The following NARS1 variants were observed in gnomAD, a reference collection of about 807,000 sequenced individuals.
NARS1 encodes the protein asparaginyl-tRNA synthetase 1.
Under a neutral mutation model 79.2 loss-of-function variants are expected in NARS1, and 65 were observed. The observed-to-expected ratio is 0.82, with a 90% CI of 0.67 to 1.01. The LOEUF (loss-of-function observed/expected upper bound fraction) is 1.01. Ranked by LOEUF, NARS1 falls within the 50% of genes least tolerant of loss-of-function variation. The pLI is 0.00. For missense variants in NARS1, 649 were observed against 673.8 expected, an observed-to-expected ratio of 0.96 and a Z score of 0.41; for synonymous variants, 229 against 238.8, an observed-to-expected ratio of 0.96 and a Z score of 0.38.
At position 57,602,469 on chromosome 18, in the gene NARS1, G is replaced by C. The variant is rs1410251109; in HGVS notation, c.1401C>G (p.Pro467=). The part of the protein sequence containing the change: ...RLTESVDVLM[P]NVGEIVGGSM... ...AGCCTCCCACAATCTCACCAACATT[G>C]GGCATCAACACGTCGACCTTTAAAT... Residue 467 remains proline, a synonymous_variant, in exon 13 of 14, where the codon CCC becomes CCG. Transcript: ENST00000256854. 2 of 1,613,630 alleles carry C rather than the reference G, an allele frequency of 1.2e-6. No individual in the cohort carries two copies. Among genetic ancestry groups the C allele is most frequent in the Admixed American group, 1.7e-5 (1 of 59,946 alleles).
chr18:57,611,541 C>T (rs1295883991), intron 6 of NARS1, 96 bp downstream of exon 6: 2 of 787,218 alleles, frequency 2.5e-6, no homozygotes, highest in Non-Finnish European at 4.0e-6. Flanking sequence ...CATTCACTGT[C>T]GACATAATAA....
At chr18:57,607,761 G>T in intron 7 of NARS1, 96 bp from the exon 8 acceptor site, 1 of 1,068,290 alleles carries the variant, frequency 9.4e-7, no homozygotes, top group Non-Finnish European at 1.3e-6. Context: ...GTTTTGGTAA[G>T]CTGAGATTTT....
intron 7 of NARS1, among the ~76,000 whole-genome samples, chr18:57,607,907 G>C (rs890034183): frequency 6.9e-6 from 1 of 145,222 alleles, no homozygotes; most frequent in Non-Finnish European, 1.5e-5. Context: ...TCACTCTGTC[G>C]CCCAGGCTGG....
Position 57,621,793 on chromosome 18 carries a change from G to T in NARS1, c.-76C>A, listed in dbSNP as rs371234406. 1.3e-4 allele frequency: 206 copies of T among 1,608,784 alleles called. No individual in the cohort carries two copies. Among genetic ancestry groups the T allele is most frequent in the Non-Finnish European group, 1.7e-4 (200 of 1,178,606 alleles). On this transcript the variant is annotated 5_prime_UTR_variant, in exon 1 of 14. Transcript: ENST00000256854. Reference sequence around the variant, plus strand: ...CCGTCTTATGACTCCAACGTGCACCGGCGGTTTCCGCGATTCCGGCGTTGC... The same window carrying T: ...CCGTCTTATGACTCCAACGTGCACCTGCGGTTTCCGCGATTCCGGCGTTGC...
intron 5 of NARS1, among the ~76,000 whole-genome samples, chr18:57,613,068 G>C (rs2051617582): frequency 6.6e-6 from 1 of 152,006 alleles, no homozygotes; most frequent in Admixed American, 6.6e-5. Context: ...TTTTAAACAA[G>C]AACAAATTTA....
Position 57,607,626 on chromosome 18 carries a change from G to T in NARS1, c.619C>A (p.Leu207Ile), listed in dbSNP as rs1305687750. Residue 207 changes from leucine (L) to isoleucine (I), a missense_variant, in exon 8 of 14, where the codon CTA becomes ATA. By Grantham distance (5) the Leu-to-Ile change is conservative. Transcript: ENST00000256854. ...GHELSCDFWE[L>I]IGLAPAGGAD... ...CCTCCAGCAGGGGCCAACCCAATTAGTTCCCAGAAGTCACAACTCAGCTCA... is the reference window on the plus strand; with the variant it reads ...CCTCCAGCAGGGGCCAACCCAATTATTTCCCAGAAGTCACAACTCAGCTCA... 1 of 1,614,036 alleles carries T rather than the reference G, an allele frequency of 6.2e-7. No homozygotes were observed. The highest frequency in any genetic ancestry group is 8.5e-7 in the Non-Finnish European group (1 of 1,179,968).
rs1011951083 is a variant in NARS1 at position 57,621,747 on chromosome 18, A to G, written c.-30T>C. 3 of 1,613,838 alleles carry G rather than the reference A, an allele frequency of 1.9e-6. No homozygotes were observed. Among genetic ancestry groups the G allele is most frequent in the Admixed American group, 1.7e-5 (1 of 60,010 alleles). ...GCAGTGGCCCTGGTCACCTCCAAGG[A>G]CACAGACTGCAACACCGACGCCGTC... On this transcript the variant is annotated 5_prime_UTR_variant, in exon 1 of 14. Transcript: ENST00000256854.
At chr18:57,613,410 T>A (rs548972135) in intron 5 of NARS1, among the ~76,000 whole-genome samples, 192 bp downstream of exon 5, 1 of 152,184 alleles carries the variant, frequency 6.6e-6, no homozygotes, top group South Asian at 2.1e-4. Flanking sequence ...GGAGAATTGC[T>A]TGAACCTGAG....
Position 57,620,570 on chromosome 18 carries a change from T to C in NARS1, c.92A>G (p.Lys31Arg), listed in dbSNP as rs1398376672. Residue 31 changes from lysine to arginine, a missense_variant and splice_region_variant, in exon 2 of 14, where the codon AAG becomes AGG. By Grantham distance (26) the Lys-to-Arg change is conservative. Coordinates refer to ENST00000256854, the MANE Select transcript of NARS1 (RefSeq NM_004539.4). ...TTTCCTAATGAGAAGAGACTCTACC[T>C]TTAGACCTGTTTTAAATGGTTTCTC... ...TKEKPFKTGL[K>R]ALMTVGKEPF... is the part of the protein sequence containing the mutation. The C allele has an allele frequency of 1.2e-6, 2 of 1,607,220 alleles. No homozygotes were observed. The highest frequency in any genetic ancestry group is 8.5e-7 in the Non-Finnish European group (1 of 1,174,392).
At chr18:57,605,039 G>C (rs573807710) in intron 11 of NARS1, among the ~76,000 whole-genome samples, 16 of 149,518 alleles carry the variant, frequency 1.1e-4, no homozygotes, top group South Asian at 2.1e-4. Flanking sequence ...CTTCTTTCTC[G>C]CCTTCCACAT....
intron 11 of NARS1, among the ~76,000 whole-genome samples, chr18:57,605,135 AT>A (rs869240747): frequency 2.6e-4 from 17 of 64,256 alleles, no homozygotes; most frequent in South Asian, 8.6e-4. Context: ...AAAAAAAAAA[AT>A]ATATATATAT....
intron 2 of NARS1, among the ~76,000 whole-genome samples, chr18:57,618,942 A>G (rs113961919): frequency 0.017 from 2,625 of 152,210 alleles, 66 homozygotes; most frequent in African/African-American, 0.052. Context: ...ACAAGTACCC[A>G]TGTATGACAC....
rs534041561 is a variant in NARS1 at position 57,601,490 on chromosome 18, C to T, written c.*162G>A. On this transcript the variant is annotated 3_prime_UTR_variant, in exon 14 of 14. Coordinates refer to ENST00000256854, the MANE Select transcript of NARS1 (RefSeq NM_004539.4). ...TCTTAAGATGACAACCTTAATATCA[C>T]TTGATGTTCAGGTGATTTGAGATAG... is the stretch of plus-strand genomic sequence containing the variant. 15 of 660,480 alleles carry T rather than the reference C, an allele frequency of 2.3e-5. No individual in the cohort carries two copies. Among genetic ancestry groups the T allele is most frequent in the Non-Finnish European group, 2.8e-5 (12 of 430,276 alleles). 40.9% of individuals were successfully genotyped at this position (660,480 alleles called of 1,614,324 possible). A position where few individuals can be genotyped will look rare whatever the true frequency, so the allele number is the denominator to read the frequency against.
intron 7 of NARS1, among the ~76,000 whole-genome samples, chr18:57,608,306 C>T (rs1328966161): frequency 6.6e-6 from 1 of 151,782 alleles, no homozygotes; most frequent in Non-Finnish European, 1.5e-5. Flanking sequence ...AAATATTAGC[C>T]AGGCATGGTG....
In NARS1 at chr18:57,602,328, G is replaced by A. The variant is rs760125376; in HGVS notation, c.1515+27C>T. On this transcript the variant is annotated intron_variant, in intron 13 of 13. Transcript: ENST00000256854. The stretch of plus-strand genomic sequence containing the variant: ...CAGAACGATTACAGTGGAAAAAAAT[G>A]TTGAGTACTTAAAAAATTGGTTTTA... 1.7e-5 allele frequency: 28 copies of A among 1,603,298 alleles called. No individual in the cohort carries two copies. The East Asian group carries it at 5.1e-4, about 29-fold the overall frequency.
intron 4 of NARS1, among the ~76,000 whole-genome samples, chr18:57,614,335 T>C (rs1401778918): frequency 6.6e-6 from 1 of 152,046 alleles, no homozygotes; most frequent in Admixed American, 6.6e-5. Flanking sequence ...ACCCCATCTC[T>C]ACTAAAAATA....
chr18:57,609,025 T>TA (rs2051583978), intron 7 of NARS1, among the ~76,000 whole-genome samples: 2 of 152,342 alleles, frequency 1.3e-5, no homozygotes, highest in Admixed American at 1.3e-4. Context: ...CTCTTGGACT[T>TA]ACACCAGTTC....
chr18:57,614,501 CATAA>C (rs1233130132), intron 4 of NARS1, among the ~76,000 whole-genome samples: 2 of 149,300 alleles, frequency 1.3e-5, no homozygotes, highest in African/African-American at 4.9e-5. Flanking sequence ...AACTCTGTCT[CATAA>C]ATAAATAAAT....
rs750542124 is a variant in NARS1, at chr18:57,601,694, G to A, written c.1605C>T (p.Asp535=). Residue 535 remains aspartate, a synonymous_variant, in exon 14 of 14, where the codon GAC becomes GAT. Coordinates refer to ENST00000256854, the MANE Select transcript of NARS1 (RefSeq NM_004539.4). ...TWILNRYHIR[D]VCLYPRFVQR... ...GGACAAATCGAGGGTATAAGCACAC[G>A]TCTCGGATGTGATACCTATTCAGAA... is the stretch of plus-strand genomic sequence containing the variant. 7.4e-6 allele frequency: 12 copies of A among 1,613,684 alleles called. No homozygotes were observed. The highest frequency in any genetic ancestry group is 6.7e-5 in the African/African-American group (5 of 74,884).
Sources: gnomAD v4.1 joint callset for allele counts (sites outside exome capture counted in the v4.1 genomes callset) on GRCh38, gnomAD v4.1.1 for gene constraint, MANE v1.5 for transcripts, NCBI Gene and HGNC (gene_info 2026-07-23, HGNC 2026-07-21) for gene names.